The following ELAC2 variants were observed in gnomAD, a reference collection of about 807,000 sequenced individuals.
The protein encoded by ELAC2 is elaC ribonuclease Z 2, also known as zinc phosphodiesterase ELAC protein 2.
A neutral mutation model predicts 105.2 loss-of-function variants in ELAC2; 92 were observed. The observed-to-expected ratio is 0.87, with a 90% CI of 0.74 to 1.04. The LOEUF (loss-of-function observed/expected upper bound fraction) is 1.04. ELAC2 is among the 50% of genes least tolerant of loss of function. The pLI is 0.00. For missense variants in ELAC2, 1,099 were observed against 1,071.7 expected (o/e 1.03, Z -0.36); for synonymous variants, 468 against 409.1 (o/e 1.14, Z -1.74).
In ELAC2 at chr17:12,998,524, T is replaced by C. The variant is rs149112672; in HGVS notation, c.1424-16A>G. The C allele has an allele frequency of 1.8e-5, 29 of 1,609,326 alleles. No individual in the cohort carries two copies. In the East Asian group the frequency reaches 5.8e-4, roughly 32 times the overall value. On this transcript the variant is annotated splice_polypyrimidine_tract_variant and intron_variant, in intron 15 of 23. Transcript: ENST00000338034. The stretch of plus-strand genomic sequence containing the variant: ...CTTCTTTTCTCTGTGAAAAAATCCA[T>C]GTGAAACAATCCATTCCTTTGGGTC...
At chr17:13,003,390 T>A in intron 12 of ELAC2, 89 bp downstream of exon 12, 1 of 1,206,618 alleles carries the variant, frequency 8.3e-7, no homozygotes, top group Non-Finnish European at 1.2e-6. Flanking sequence ...GAAGGGTAGG[T>A]AGCGCTGGAA....
rs1483814202 is a variant in ELAC2, at chr17:12,993,671, C to T, written c.2253+16G>A. On this transcript the variant is annotated intron_variant, in intron 23 of 23. Coordinates refer to ENST00000338034, the MANE Select transcript of ELAC2 (RefSeq NM_018127.7). ...TGCCCCGTCCCCGCCCTGTGCTGTC[C>T]GTGTGACATACAGACCTTCATGTGG... 8 of 1,614,110 alleles carry T rather than the reference C, an allele frequency of 5.0e-6. No homozygotes were observed. Among genetic ancestry groups the T allele is most frequent in the African/African-American group, 4.0e-5 (3 of 75,034 alleles).
intron 11 of ELAC2, among the ~76,000 whole-genome samples, chr17:13,004,271 T>C (rs1301303727): frequency 6.6e-6 from 1 of 151,464 alleles, no homozygotes; most frequent in Non-Finnish European, 1.5e-5. Context: ...CCACAGAGAA[T>C]AAAGCAGACC....
intron 15 of ELAC2, among the ~76,000 whole-genome samples, chr17:12,999,733 A>G (rs995865954): frequency 2.0e-5 from 3 of 151,736 alleles, no homozygotes; most frequent in Admixed American, 6.6e-5. Context: ...ACCTTGGCTC[A>G]CTGCAAGCTC....
chr17:13,012,946 C>T (rs1005603697), intron 6 of ELAC2, among the ~76,000 whole-genome samples: 1 of 152,308 alleles, frequency 6.6e-6, no homozygotes, highest in Non-Finnish European at 1.5e-5. Context: ...AATGTGCAAA[C>T]TTGAATGCAA....
At position 13,008,053 on chromosome 17, in the gene ELAC2, T is replaced by C. The variant is rs1030504031; in HGVS notation, c.739-2074A>G. The stretch of plus-strand genomic sequence containing the variant: ...CTGTGTCTACTAACAATACAAAAAT[T>C]AGCCGGGCATGGTGGCAGGCACCTG... On this transcript the variant is annotated intron_variant, in intron 8 of 23. Transcript: ENST00000338034. Among the ~76,000 whole-genome samples the C allele has an allele frequency of 7.9e-5, 12 of 151,752 alleles. No homozygotes were observed. In the South Asian group the frequency reaches 1.5e-3, roughly 18 times the overall value.
At chr17:12,995,112 C>G (rs1359446468) in intron 19 of ELAC2, 50 bp from the exon 20 acceptor site, 2 of 1,594,946 alleles carry the variant, frequency 1.3e-6, no homozygotes, top group Non-Finnish European at 1.7e-6. Context: ...TCTTGGACAT[C>G]TGGAACCAAA....
At chr17:13,005,883 C>A (rs2041079639) in intron 9 of ELAC2, 38 bp downstream of exon 9, 1 of 1,613,824 alleles carries the variant, frequency 6.2e-7, no homozygotes, top group Admixed American at 1.7e-5. Flanking sequence ...GACAGGTGTA[C>A]CCAGTGAGTC....
chr17:12,994,927 CCTCGCCCCCAT>C, intron 20 of ELAC2, 25 bp downstream of exon 20: 7 of 1,614,134 alleles, frequency 4.3e-6, no homozygotes, highest in Non-Finnish European at 5.1e-6. Flanking sequence ...CTGCTCCCCA[CCTCGCCCCCAT>C]GATGCCTGCG....
chr17:13,015,520 C>CT (rs2041666225), intron 4 of ELAC2, among the ~76,000 whole-genome samples: 1 of 152,210 alleles, frequency 6.6e-6, no homozygotes. Flanking sequence ...GTCATTTAAT[C>CT]TTTAACAACT....
chr17:13,017,358 C>A, intron 1 of ELAC2: 1 of 627,674 alleles, frequency 1.6e-6, no homozygotes, highest in Non-Finnish European at 2.8e-6. Flanking sequence ...CCTTTCTCCA[C>A]CACCGGCTAC....
intron 23 of ELAC2, 77 bp from the exon 24 acceptor site, chr17:12,993,122 C>T (rs2040276695): frequency 7.0e-7 from 1 of 1,425,270 alleles, no homozygotes; most frequent in Admixed American, 1.7e-5. Context: ...GGGATGCAGT[C>T]ATGTGCTCAC....
rs376231184 is a variant in ELAC2, at chr17:12,994,790, A to G, written c.2003T>C (p.Met668Thr). 1.2e-6 allele frequency: 2 copies of G among 1,613,952 alleles called. No homozygotes were observed. Among genetic ancestry groups the G allele is most frequent in the African/African-American group, 1.3e-5 (1 of 75,060 alleles). The change falls in exon 21 of 24, where the codon ATG becomes ACG. Residue 668 changes from methionine (M) to threonine (T), a missense_variant. Met to Thr is a moderately conservative substitution (Grantham distance 81). Transcript: ENST00000338034. ...CATCCGGACCAGAGCCTCGCAGGGC[A>G]TGGTGTCCCCGGAATAGACCACTTT... ...GWKVVYSGDT[M>T]PCEALVRMGK... is the part of the protein sequence containing the mutation.
rs117778325 is a variant in ELAC2 at position 12,996,380 on chromosome 17, G to A, written c.1659+167C>T. On this transcript the variant is annotated intron_variant, in intron 17 of 23. Transcript: ENST00000338034. ...CAGGAAGAGAAGACATTCTTGTGGCGCAGAAGGACTATGTTGAGTTTTGCA... is the reference window on the plus strand; with the variant it reads ...CAGGAAGAGAAGACATTCTTGTGGCACAGAAGGACTATGTTGAGTTTTGCA... 7.7e-5 allele frequency: 72 copies of A among 935,112 alleles called. No homozygotes were observed. In the East Asian group the frequency reaches 1.1e-3, roughly 14 times the overall value. The allele number at this position is 935,112 out of a possible 1,614,324, so 57.9% of individuals were successfully genotyped here. A position where few individuals can be genotyped will look rare whatever the true frequency, so the allele number is the denominator to read the frequency against.
intron 5 of ELAC2, among the ~76,000 whole-genome samples, chr17:13,013,486 T>C (rs184800101): frequency 6.6e-6 from 1 of 152,224 alleles, no homozygotes; most frequent in East Asian, 1.9e-4. Context: ...TACAGCCAGA[T>C]GAAAAGACAT....
At position 13,014,516 on chromosome 17, in the gene ELAC2, T is replaced by G. The variant is rs780641263; in HGVS notation, c.433-20A>C. Reference sequence around the variant, plus strand: ...TTTTTCCTAATGAAAAACAAAGAAATGAGCAGTTATGGTTGAACAAATGTA... The same window carrying G: ...TTTTTCCTAATGAAAAACAAAGAAAGGAGCAGTTATGGTTGAACAAATGTA... On this transcript the variant is annotated intron_variant, in intron 4 of 23. Transcript: ENST00000338034. The G allele has an allele frequency of 1.3e-6, 2 of 1,585,606 alleles. No individual in the cohort carries two copies. Among genetic ancestry groups the G allele is most frequent in the Admixed American group, 3.3e-5 (2 of 59,970 alleles).
chr17:13,016,765 AAAG>A, intron 3 of ELAC2, 94 bp downstream of exon 3: 1 of 1,217,574 alleles, frequency 8.2e-7, no homozygotes, highest in Non-Finnish European at 1.2e-6. Flanking sequence ...AAAAAAAAAA[AAAG>A]TAGCTGCCCA....
At chr17:13,013,411 TCTAAGGAGATTA>T (rs1163777299) in intron 5 of ELAC2, 136 bp from the exon 6 acceptor site, 2 of 908,792 alleles carry the variant, frequency 2.2e-6, no homozygotes, top group African/African-American at 3.3e-5. Flanking sequence ...AACCAGACTT[TCTAAGGAGATTA>T]CCATTTTTAG....
Position 12,996,603 on chromosome 17 carries a change from C to G in ELAC2, c.1603G>C (p.Val535Leu). The G allele has an allele frequency of 6.2e-7, 1 of 1,614,072 alleles. No homozygotes were observed. The highest frequency in any genetic ancestry group is 8.5e-7 in the Non-Finnish European group (1 of 1,180,032). Residue 535 changes from valine to leucine, a missense_variant, in exon 17 of 24, where the codon GTC becomes CTC. By Grantham distance (32) the Val-to-Leu change is conservative (BLOSUM62 1). Coordinates refer to ENST00000338034, the MANE Select transcript of ELAC2 (RefSeq NM_018127.7). ...AACACAGCAGCCAGGGTGCCCAGGACCCTGTCCACCTGGTCTCCGTAATGA... is the reference window on the plus strand; with the variant it reads ...AACACAGCAGCCAGGGTGCCCAGGAGCCTGTCCACCTGGTCTCCGTAATGA... The part of the protein sequence containing the change: ...CRHYGDQVDR[V>L]LGTLAAVFVS...
Sources: allele counts gnomAD v4.1 joint callset (sites outside exome capture counted in the v4.1 genomes callset), GRCh38; gene constraint gnomAD v4.1.1; transcripts MANE v1.5; gene names NCBI Gene and HGNC (gene_info 2026-07-23, HGNC 2026-07-21).